DHX36: variants seen among roughly 807,000 people sequenced by gnomAD.
DHX36 encodes DEAH-box helicase 36, also known as ATP-dependent DNA/RNA helicase DHX36.
Under a neutral mutation model 139.0 loss-of-function variants are expected in DHX36, and 50 were observed. The ratio of observed to expected loss-of-function variants is 0.36; its 90% CI spans 0.29 to 0.46. The LOEUF (loss-of-function observed/expected upper bound fraction) is 0.46, where lower values mean the gene tolerates loss of function less well. Among genes scored for constraint, DHX36 ranks in the 20% least tolerant of loss-of-function variants. The pLI is 1.00. For missense variants in DHX36, 1,024 were observed against 1,211.3 expected, an observed-to-expected ratio of 0.85 and a Z score of 2.29; for synonymous variants, 425 against 401.9, an observed-to-expected ratio of 1.06 and a Z score of -0.69.
At position 154,275,313 on chromosome 3, in the gene DHX36, ATTG is replaced by A. The variant is rs1288678607; in HGVS notation, c.*855_*857del. ...ACTATATAAATAGCTGTTAAACTGT[ATTG>A]TTTAGGGAATGACAAGGAAAAAAGT... On this transcript the variant is annotated 3_prime_UTR_variant, in exon 25 of 25. Coordinates refer to ENST00000496811, the MANE Select transcript of DHX36 (RefSeq NM_020865.3). The A allele has an allele frequency of 2.6e-5, 4 of 152,224 alleles. No homozygotes were observed. The highest frequency in any genetic ancestry group is 9.7e-5 in the African/African-American group (4 of 41,450). 9.4% of individuals were successfully genotyped at this position (152,224 alleles called of 1,614,324 possible).
chr3:154,291,201 G>A (rs1390913927), intron 15 of DHX36, among the ~76,000 whole-genome samples: 1 of 142,906 alleles, frequency 7.0e-6, no homozygotes, highest in African/African-American at 2.6e-5. Flanking sequence ...AGCTTTTTCT[G>A]ATCTCCAAAA....
rs1719165945 is a variant in DHX36, at chr3:154,276,905, A to G, written c.2689-6T>C. ...GTGCAGTCATACAAGTATATCTGTA[A>G]TGAAAATTAAAGTGAATTAATACAT... On this transcript the variant is annotated splice_polypyrimidine_tract_variant and splice_region_variant and intron_variant, in intron 23 of 24. Transcript: ENST00000496811. 6.2e-7 allele frequency: 1 copy of G among 1,602,808 alleles called. No homozygotes were observed. The highest frequency in any genetic ancestry group is 8.5e-7 in the Non-Finnish European group (1 of 1,176,998).
At chr3:154,290,497 T>C (rs529664962) in intron 15 of DHX36, among the ~76,000 whole-genome samples, 1 of 151,716 alleles carries the variant, frequency 6.6e-6, no homozygotes, top group Admixed American at 6.6e-5. Flanking sequence ...AAAAATTAGC[T>C]GGGTGTGGTG....
chr3:154,310,259 A>G (rs1712679428), intron 4 of DHX36, among the ~76,000 whole-genome samples: 1 of 152,192 alleles, frequency 6.6e-6, no homozygotes, highest in Non-Finnish European at 1.5e-5. Context: ...AGAATATTGT[A>G]TTTTAAAATT....
In DHX36 at chr3:154,310,641, C is replaced by T. The variant is rs563637079; in HGVS notation, c.643-818G>A. Among the ~76,000 whole-genome samples the T allele has an allele frequency of 7.3e-5, 11 of 149,764 alleles. No homozygotes were observed. In the South Asian group the frequency reaches 1.5e-3, roughly 20 times the overall value. The stretch of plus-strand genomic sequence containing the variant: ...ACTAAAAACACAAAAATTAGCTGGG[C>T]GTGGTGGGTGCCTGTAACCCCAGCT... On this transcript the variant is annotated intron_variant, in intron 4 of 24. Coordinates refer to ENST00000496811, the MANE Select transcript of DHX36 (RefSeq NM_020865.3).
At chr3:154,318,630 C>G (rs950723331) in intron 1 of DHX36, among the ~76,000 whole-genome samples, 2 of 152,138 alleles carry the variant, frequency 1.3e-5, no homozygotes, top group African/African-American at 4.8e-5. Flanking sequence ...AAGTCAACAT[C>G]AGTTGGTAGA....
chr3:154,278,556 A>G (rs909998267), intron 22 of DHX36: 1 of 148,934 alleles, frequency 6.7e-6, no homozygotes, highest in Non-Finnish European at 1.5e-5. Context: ...AGCTCACTGC[A>G]GCCTCCGCCT....
At chr3:154,322,591 G>A (rs1333529487) in intron 1 of DHX36, among the ~76,000 whole-genome samples, 1 of 152,182 alleles carries the variant, frequency 6.6e-6, no homozygotes, top group Non-Finnish European at 1.5e-5. Flanking sequence ...AAATGGTCGT[G>A]TCACCACTAA....
chr3:154,293,923 A>G (rs1482658855), intron 13 of DHX36, 111 bp from the exon 14 acceptor site: 4 of 681,662 alleles, frequency 5.9e-6, no homozygotes, highest in African/African-American at 1.8e-5. Flanking sequence ...TTCTATGTTC[A>G]TTCACTGACA....
chr3:154,302,564 C>T (rs12497687), intron 9 of DHX36, among the ~76,000 whole-genome samples: 30,292 of 151,954 alleles, frequency 0.2, 4,151 homozygotes, highest in East Asian at 0.38. Context: ...TCTGAAGCTA[C>T]ACTACTGAAA....
At chr3:154,303,273 AG>A in intron 9 of DHX36, 55 bp downstream of exon 9, 2 of 1,275,706 alleles carry the variant, frequency 1.6e-6, no homozygotes, top group African/African-American at 1.5e-5. Context: ...GTTTGACATG[AG>A]AAAAGTGATA....
At chr3:154,313,230 C>T (rs1488599504) in intron 3 of DHX36, among the ~76,000 whole-genome samples, 2 of 152,070 alleles carry the variant, frequency 1.3e-5, no homozygotes, top group Non-Finnish European at 2.9e-5. Flanking sequence ...TTGCTTTATA[C>T]ATGTAAATGC....
intron 9 of DHX36, among the ~76,000 whole-genome samples, chr3:154,301,903 T>C (rs1178577150): frequency 1.3e-5 from 2 of 151,782 alleles, no homozygotes; most frequent in Admixed American, 6.6e-5. Flanking sequence ...CTAGATGGAA[T>C]GGGGGAGGGG....
chr3:154,289,702 A>C lies in DHX36; in HGVS notation c.1932+7T>G, dbSNP rs775712445. 1 of 1,516,402 alleles carries C rather than the reference A, an allele frequency of 6.6e-7. No individual in the cohort carries two copies. Among genetic ancestry groups the C allele is most frequent in the South Asian group, 1.1e-5 (1 of 88,572 alleles). 93.9% of individuals were successfully genotyped at this position (1,516,402 alleles called of 1,614,324 possible). ...ATTTAGTTTCTTCATTCTCCCACCTAATTTACCTTTATTTGTAAACAAAGT... is the reference window on the plus strand; with the variant it reads ...ATTTAGTTTCTTCATTCTCCCACCTCATTTACCTTTATTTGTAAACAAAGT... On this transcript the variant is annotated splice_region_variant and intron_variant, in intron 16 of 24. Coordinates refer to ENST00000496811, the MANE Select transcript of DHX36 (RefSeq NM_020865.3).
chr3:154,288,906 T>C lies in DHX36; in HGVS notation c.1991A>G (p.Asn664Ser). Residue 664 changes from asparagine (N) to serine (S), a missense_variant, in exon 17 of 25, where the codon AAT becomes AGT. Physicochemically the swap from Asn to Ser is conservative, Grantham distance 46. Around this residue, in one of 4 missense-constraint regions of DHX36, gnomAD observed 470 missense variants for 616.2 expected, o/e 0.76. Transcript: ENST00000496811. ...FLSRLMDPPSNEAVLLSIRHL... is the reference protein window; with the variant it reads ...FLSRLMDPPSSEAVLLSIRHL... Reference sequence around the variant, plus strand: ...TCTTATGGAGAGTAACACTGCCTCATTTGATGGTGGGTCCATTAATCTACT... The same window carrying C: ...TCTTATGGAGAGTAACACTGCCTCACTTGATGGTGGGTCCATTAATCTACT... 1 of 1,594,300 alleles carries C rather than the reference T, an allele frequency of 6.3e-7. No homozygotes were observed. Among genetic ancestry groups the C allele is most frequent in the Non-Finnish European group, 8.6e-7 (1 of 1,169,496 alleles).
At chr3:154,285,819 T>A (rs1169512266) in intron 17 of DHX36, among the ~76,000 whole-genome samples, 1 of 151,998 alleles carries the variant, frequency 6.6e-6, no homozygotes, top group African/African-American at 2.4e-5. Flanking sequence ...TTTTTTTTTT[T>A]TAAAAGACCT....
intron 8 of DHX36, 144 bp downstream of exon 8, chr3:154,304,662 C>T: frequency 1.6e-6 from 1 of 608,794 alleles, no homozygotes; most frequent in Non-Finnish European, 2.6e-6. Context: ...TTGTCTAATC[C>T]ATGAAACTGG....
At chr3:154,284,168 T>C (rs1719427033) in intron 19 of DHX36, among the ~76,000 whole-genome samples, 1 of 152,170 alleles carries the variant, frequency 6.6e-6, no homozygotes, top group South Asian at 2.1e-4. Flanking sequence ...ATACCTATGA[T>C]AATATAGATT....
rs1719069677 is a variant in DHX36, at chr3:154,273,916, A to C, written c.*2255T>G. On this transcript the variant is annotated 3_prime_UTR_variant, in exon 25 of 25. Coordinates refer to ENST00000496811, the MANE Select transcript of DHX36 (RefSeq NM_020865.3). ...GCACTTTTACACCTTCTGTCAGACA[A>C]ATAGGTTAAAACTCTTACATTGCAA... 1.3e-5 allele frequency: 2 copies of C among 152,220 alleles called. No individual in the cohort carries two copies. The highest frequency in any genetic ancestry group is 1.3e-4 in the Admixed American group (2 of 15,280). 9.4% of individuals were successfully genotyped at this position (152,220 alleles called of 1,614,324 possible).
Sources: allele counts gnomAD v4.1 joint callset (sites outside exome capture counted in the v4.1 genomes callset), GRCh38; gene constraint gnomAD v4.1.1; regional missense constraint gnomAD v4.1.1; transcripts MANE v1.5; gene names NCBI Gene and HGNC (gene_info 2026-07-23, HGNC 2026-07-21).